UNCX: variants seen among roughly 807,000 people sequenced by gnomAD.
UNCX encodes the protein homeobox protein unc-4 homolog.
UNCX carries 4 observed loss-of-function variants against 14.8 expected under a neutral mutation model. The ratio of observed to expected loss-of-function variants is 0.27; its 90% confidence interval spans 0.13 to 0.62. The LOEUF (loss-of-function observed/expected upper bound fraction) is 0.62, where lower values mean the gene tolerates loss of function less well. Ranked by LOEUF, UNCX falls within the 20% of genes least tolerant of loss-of-function variation. UNCX has a pLI of 0.86. For synonymous variants in UNCX, 459 were observed against 395.8 expected (o/e 1.16, Z -1.90); for missense variants, 749 against 786.8 (o/e 0.95, Z 0.58).
Position 1,233,842 on chromosome 7 carries a change from G to T in UNCX, c.450+147G>T. On this transcript the variant is annotated intron_variant, in intron 2 of 2. Transcript: ENST00000316333. The surrounding 1 kb of genome is among the most constrained non-coding windows in gnomAD (Gnocchi z 5.3). ...CTGCTGGGGAAGAGTGGAGGGGTGG[G>T]GGTTCTGGGGCTCGGCCCCTCACGG... The T allele has an allele frequency of 9.6e-7, 1 of 1,041,772 alleles. No individual in the cohort carries two copies. Among genetic ancestry groups the T allele is most frequent in the Admixed American group, 3.1e-5 (1 of 32,640 alleles). The allele number at this position is 1,041,772 out of a possible 1,614,324, so 64.5% of individuals were successfully genotyped here.
rs1450631875 is a variant in UNCX, at chr7:1,233,560, G to A, written c.315G>A (p.Arg105=). The part of the protein sequence containing the change: ...DPDKESPGCK[R]RRTRTNFTGW... ...ACAAGGAGAGCCCGGGCTGCAAGCG[G>A]CGGCGCACCCGCACCAACTTCACCG... Residue 105 remains arginine (R), a synonymous_variant, in exon 2 of 3, where the codon CGG becomes CGA. Transcript: ENST00000316333. The surrounding 1 kb of genome is among the most constrained non-coding windows in gnomAD (Gnocchi z 5.3). 2 of 1,612,924 alleles carry A rather than the reference G, an allele frequency of 1.2e-6. No homozygotes were observed. Among genetic ancestry groups the A allele is most frequent in the Non-Finnish European group, 1.7e-6 (2 of 1,179,856 alleles).
Position 1,236,941 on chromosome 7 carries a change from C to A in UNCX, c.1560C>A (p.Pro520=). The A allele has an allele frequency of 8.3e-7, 1 of 1,198,272 alleles. No individual in the cohort carries two copies. The highest frequency in any genetic ancestry group is 1.0e-6 in the Non-Finnish European group (1 of 966,248). The allele number at this position is 1,198,272 out of a possible 1,614,324, so 74.2% of individuals were successfully genotyped here. Residue 520 remains proline, a synonymous_variant, in exon 3 of 3, where the codon CCC becomes CCA. Coordinates refer to ENST00000316333, the MANE Select transcript of UNCX (RefSeq NM_001080461.3). The surrounding 1 kb of genome is among the most constrained non-coding windows in gnomAD (Gnocchi z 6.9). ...CCGAGCCTGGCGCGGCGGCCGGACC[C>A]AGCCCGCCGGAGGGCGAGGAGCTGG... ...GVPEPGAAAG[P]SPPEGEELDM...
rs1480724225 is a variant in UNCX at position 1,236,735 on chromosome 7, GC to G, written c.1358del (p.Pro453GlnfsTer89). ...RSPDAVASPG[A>X]PAPAPAPFRD... Reference sequence around the variant, plus strand: ...CCCCGACGCCGTCGCCTCCCCGGGGGCCCCAGCCCCGGCCCCGGCGCCTTTC... The same window carrying G: ...CCCCGACGCCGTCGCCTCCCCGGGGGCCCAGCCCCGGCCCCGGCGCCTTTC... On this transcript the variant is annotated frameshift_variant, in exon 3 of 3. Coordinates refer to ENST00000316333, the MANE Select transcript of UNCX (RefSeq NM_001080461.3). LOFTEE classifies it low-confidence loss of function (END_TRUNC). This position sits in a 1 kb window ranked among gnomAD's most constrained non-coding sequence, Gnocchi z 6.9. 1.0e-6 allele frequency: 1 copy of G among 991,076 alleles called. No homozygotes were observed. Among genetic ancestry groups the G allele is most frequent in the Non-Finnish European group, 1.2e-6 (1 of 835,314 alleles). The allele number at this position is 991,076 out of a possible 1,614,324, so 61.4% of individuals were successfully genotyped here. A position where few individuals can be genotyped will look rare whatever the true frequency, so the allele number is the denominator to read the frequency against.
In UNCX at chr7:1,236,431, C is replaced by T; in HGVS notation, c.1050C>T (p.Asn350=). 7.8e-7 allele frequency: 1 copy of T among 1,285,246 alleles called. No individual in the cohort carries two copies. Among genetic ancestry groups the T allele is most frequent in the Non-Finnish European group, 9.9e-7 (1 of 1,011,762 alleles). The allele number at this position is 1,285,246 out of a possible 1,614,324, so 79.6% of individuals were successfully genotyped here. The part of the protein sequence containing the change: ...DSPPRRKAAS[N]AAAAAAAGLD... ...CGCCGCGCCGGAAAGCCGCTTCCAA[C>T]GCCGCCGCCGCCGCCGCCGCGGGGC... Residue 350 remains asparagine (N), a synonymous_variant, in exon 3 of 3, where the codon AAC becomes AAT. Transcript: ENST00000316333. This position sits in a 1 kb window ranked among gnomAD's most constrained non-coding sequence, Gnocchi z 6.9.
chr7:1,236,204 C>T lies in UNCX; in HGVS notation c.823C>T (p.Pro275Ser). 1 of 1,317,710 alleles carries T rather than the reference C, an allele frequency of 7.6e-7. No homozygotes were observed. Among genetic ancestry groups the T allele is most frequent in the Non-Finnish European group, 9.8e-7 (1 of 1,022,084 alleles). The allele number at this position is 1,317,710 out of a possible 1,614,324, so 81.6% of individuals were successfully genotyped here. Residue 275 changes from proline to serine, a missense_variant, in exon 3 of 3, where the codon CCG becomes TCG. Pro to Ser is a moderately conservative substitution (Grantham distance 74). This residue lies in a region of UNCX where 552 missense variants were observed against 507.2 expected (regional missense o/e 1.09). Transcript: ENST00000316333. This position sits in a 1 kb window ranked among gnomAD's most constrained non-coding sequence, Gnocchi z 6.9. ...GACCGCGCCCGCCCCTCCCGGCGAG[C>T]CGCCTGCACCCGGCACCTGCGACCC... ...AGTAPAPPGE[P>S]PAPGTCDPAF...
chr7:1,233,425 C>T lies in UNCX; in HGVS notation c.275-95C>T. On this transcript the variant is annotated intron_variant, in intron 1 of 2. Transcript: ENST00000316333. The surrounding 1 kb of genome is among the most constrained non-coding windows in gnomAD (Gnocchi z 5.3). ...GGCGGCCGTCTCTGCGCCCCCCCCC[C>T]CGGATCCAGGCGGCCAGCGGGTAGC... The T allele has an allele frequency of 1.4e-6, 2 of 1,383,196 alleles. No individual in the cohort carries two copies. The highest frequency in any genetic ancestry group is 3.3e-5 in the South Asian group (2 of 61,004). 85.7% of individuals were successfully genotyped at this position (1,383,196 alleles called of 1,614,324 possible).
In UNCX at chr7:1,235,136, G is replaced by A. The variant is rs563629278; in HGVS notation, c.451-696G>A. On this transcript the variant is annotated intron_variant, in intron 2 of 2. Coordinates refer to ENST00000316333, the MANE Select transcript of UNCX (RefSeq NM_001080461.3). ...GTGGTCGCCTCTTGCCTCCCCACCT[G>A]CCTTGGCCGGTGGCCCAGGCCAAGG... is the stretch of plus-strand genomic sequence containing the variant. Among the ~76,000 whole-genome samples, 9 of 152,358 alleles carry A rather than the reference G, an allele frequency of 5.9e-5. No individual in the cohort carries two copies. In the East Asian group the frequency reaches 1.7e-3, roughly 29 times the overall value.
Position 1,236,432 on chromosome 7 carries a change from G to T in UNCX, c.1051G>T (p.Ala351Ser). 1 of 1,282,900 alleles carries T rather than the reference G, an allele frequency of 7.8e-7. No individual in the cohort carries two copies. The highest frequency in any genetic ancestry group is 9.9e-7 in the Non-Finnish European group (1 of 1,009,784). The allele number at this position is 1,282,900 out of a possible 1,614,324, so 79.5% of individuals were successfully genotyped here. ...GCCGCGCCGGAAAGCCGCTTCCAAC[G>T]CCGCCGCCGCCGCCGCCGCGGGGCT... The part of the protein sequence containing the change: ...SPPRRKAASN[A>S]AAAAAAGLDF... The change falls in exon 3 of 3, where the codon GCC (alanine) becomes TCC (serine). Residue 351 changes from alanine (A) to serine (S), a missense_variant. Transcript: ENST00000316333. The surrounding 1 kb of genome is among the most constrained non-coding windows in gnomAD (Gnocchi z 6.9).
Position 1,236,740 on chromosome 7 carries a change from AGCCCCG to A in UNCX, c.1368_1373del (p.Ala458_Pro459del). 2.0e-6 allele frequency: 2 copies of A among 989,620 alleles called. No individual in the cohort carries two copies. Among genetic ancestry groups the A allele is most frequent in the Non-Finnish European group, 2.4e-6 (2 of 834,670 alleles). The allele number at this position is 989,620 out of a possible 1,614,324, so 61.3% of individuals were successfully genotyped here. The stretch of plus-strand genomic sequence containing the variant: ...ACGCCGTCGCCTCCCCGGGGGCCCC[AGCCCCG>A]GCCCCGGCGCCTTTCCGGGACCTCG... On this transcript the variant is annotated inframe_deletion, in exon 3 of 3. Coordinates refer to ENST00000316333, the MANE Select transcript of UNCX (RefSeq NM_001080461.3). This position sits in a 1 kb window ranked among gnomAD's most constrained non-coding sequence, Gnocchi z 6.9.
rs1330534185 is a variant in UNCX at position 1,236,607 on chromosome 7, C to CGCCGCCCGCGCCCGCCGT, written c.1239_1256dup (p.Ala414_Pro419dup). The CGCCGCCCGCGCCCGCCGT allele has an allele frequency of 1.4e-5, 16 of 1,106,208 alleles. No individual in the cohort carries two copies. The highest frequency in any genetic ancestry group is 1.8e-5 in the Non-Finnish European group (16 of 913,924). The allele number at this position is 1,106,208 out of a possible 1,614,324, so 68.5% of individuals were successfully genotyped here. A position where few individuals can be genotyped will look rare whatever the true frequency, so the allele number is the denominator to read the frequency against. ...GGCCTGGAGCCGGCGCCCAAGGACG[C>CGCCGCCCGCGCCCGCCGT]GCCGCCCGCGCCCGCCGTGCCGCCC... On this transcript the variant is annotated inframe_insertion, in exon 3 of 3. Coordinates refer to ENST00000316333, the MANE Select transcript of UNCX (RefSeq NM_001080461.3). The surrounding 1 kb of genome is among the most constrained non-coding windows in gnomAD (Gnocchi z 6.9).
intron 2 of UNCX, among the ~76,000 whole-genome samples, chr7:1,235,326 C>T (rs898548602): frequency 6.6e-6 from 1 of 152,262 alleles, no homozygotes; most frequent in Non-Finnish European, 1.5e-5. Context: ...GGGATTCCGC[C>T]CCCACCCCCG....
Position 1,237,085 on chromosome 7 carries a change from T to A in UNCX, c.*108T>A. ...GCTCTAGAAACACTGCTTTCCCTTC[T>A]TTTCTTTTGTTTTCTTTCTTTTATT... is the stretch of plus-strand genomic sequence containing the variant. On this transcript the variant is annotated 3_prime_UTR_variant, in exon 3 of 3. Coordinates refer to ENST00000316333, the MANE Select transcript of UNCX (RefSeq NM_001080461.3). This position sits in a 1 kb window ranked among gnomAD's most constrained non-coding sequence, Gnocchi z 5.8. 1 of 882,962 alleles carries A rather than the reference T, an allele frequency of 1.1e-6. No individual in the cohort carries two copies. The highest frequency in any genetic ancestry group is 5.3e-4 in the Middle Eastern group (1 of 1,882). 54.7% of individuals were successfully genotyped at this position (882,962 alleles called of 1,614,324 possible). A position where few individuals can be genotyped will look rare whatever the true frequency, so the allele number is the denominator to read the frequency against.
Position 1,233,233 on chromosome 7 carries a change from G to A in UNCX, c.216G>A (p.Thr72=), listed in dbSNP as rs1562374575. The change falls in exon 1 of 3, where the codon ACG becomes ACA. Residue 72 remains threonine, a synonymous_variant. Transcript: ENST00000316333. This position sits in a 1 kb window ranked among gnomAD's most constrained non-coding sequence, Gnocchi z 5.3. The part of the protein sequence containing the change: ...CAAAASVVNP[T]PLLPAACGVG... ...CCGCCGCCTCGGTGGTCAACCCCAC[G>A]CCGCTGCTGCCAGCCGCCTGCGGGG... 1.4e-6 allele frequency: 2 copies of A among 1,393,372 alleles called. No individual in the cohort carries two copies. Among genetic ancestry groups the A allele is most frequent in the African/African-American group, 1.5e-5 (1 of 65,938 alleles). 86.3% of individuals were successfully genotyped at this position (1,393,372 alleles called of 1,614,324 possible).
In UNCX at chr7:1,233,252, T is replaced by TGCGGGGTCG. The variant is rs1778677876; in HGVS notation, c.242_250dup (p.Val81_Gly83dup). The TGCGGGGTCG allele has an allele frequency of 7.4e-7, 1 of 1,355,398 alleles. No homozygotes were observed. Among genetic ancestry groups the TGCGGGGTCG allele is most frequent in the African/African-American group, 1.5e-5 (1 of 64,950 alleles). 84.0% of individuals were successfully genotyped at this position (1,355,398 alleles called of 1,614,324 possible). Reference sequence around the variant, plus strand: ...CCCCACGCCGCTGCTGCCAGCCGCCTGCGGGGTCGGCGGGGACGGCCAGCC... The same window carrying TGCGGGGTCG: ...CCCCACGCCGCTGCTGCCAGCCGCCTGCGGGGTCGGCGGGGTCGGCGGGGACGGCCAGCC... On this transcript the variant is annotated inframe_insertion, in exon 1 of 3. Transcript: ENST00000316333. This position sits in a 1 kb window ranked among gnomAD's most constrained non-coding sequence, Gnocchi z 5.3.
At position 1,233,428 on chromosome 7, in the gene UNCX, G is replaced by A; in HGVS notation, c.275-92G>A. 8.8e-7 allele frequency: 1 copy of A among 1,132,540 alleles called. No individual in the cohort carries two copies. The highest frequency in any genetic ancestry group is 1.1e-6 in the Non-Finnish European group (1 of 883,718). 70.2% of individuals were successfully genotyped at this position (1,132,540 alleles called of 1,614,324 possible). A position where few individuals can be genotyped will look rare whatever the true frequency, so the allele number is the denominator to read the frequency against. ...GGCCGTCTCTGCGCCCCCCCCCCCG[G>A]ATCCAGGCGGCCAGCGGGTAGCGGG... is the stretch of plus-strand genomic sequence containing the variant. On this transcript the variant is annotated intron_variant, in intron 1 of 2. Transcript: ENST00000316333. This position sits in a 1 kb window ranked among gnomAD's most constrained non-coding sequence, Gnocchi z 5.3.
At chr7:1,235,138 C>G (rs956815822) in intron 2 of UNCX, among the ~76,000 whole-genome samples, 2 of 152,242 alleles carry the variant, frequency 1.3e-5, no homozygotes, top group African/African-American at 4.8e-5. Context: ...CCCCACCTGC[C>G]TTGGCCGGTG....
Position 1,236,321 on chromosome 7 carries a change from G to A in UNCX, c.940G>A (p.Ala314Thr), listed in dbSNP as rs1778739789. 1.5e-6 allele frequency: 2 copies of A among 1,302,342 alleles called. No individual in the cohort carries two copies. The highest frequency in any genetic ancestry group is 1.9e-6 in the Non-Finnish European group (2 of 1,025,850). The allele number at this position is 1,302,342 out of a possible 1,614,324, so 80.7% of individuals were successfully genotyped here. A position where few individuals can be genotyped will look rare whatever the true frequency, so the allele number is the denominator to read the frequency against. Residue 314 changes from alanine to threonine, a missense_variant, in exon 3 of 3, where the codon GCC becomes ACC. Ala to Thr is a moderately conservative substitution (Grantham distance 58). Coordinates refer to ENST00000316333, the MANE Select transcript of UNCX (RefSeq NM_001080461.3). The surrounding 1 kb of genome is among the most constrained non-coding windows in gnomAD (Gnocchi z 6.9). ...DKDAASCGPG[A>T]AVAAVERGAA... ...GGACGCGGCCTCGTGCGGGCCAGGGGCCGCTGTGGCGGCGGTGGAGCGCGG... is the reference window on the plus strand; with the variant it reads ...GGACGCGGCCTCGTGCGGGCCAGGGACCGCTGTGGCGGCGGTGGAGCGCGG...
Position 1,233,414 on chromosome 7 carries a change from CG to C in UNCX, c.275-105del, listed in dbSNP as rs1325030065. 1,436 of 1,174,324 alleles carry C rather than the reference CG, an allele frequency of 1.2e-3. 2 individuals carry two copies. Among genetic ancestry groups the C allele is most frequent in the Non-Finnish European group, 1.5e-3 (1,346 of 926,722 alleles). 72.7% of individuals were successfully genotyped at this position (1,174,324 alleles called of 1,614,324 possible). A position where few individuals can be genotyped will look rare whatever the true frequency, so the allele number is the denominator to read the frequency against. ...GCCGGCTCCTAGGCGGCCGTCTCTG[CG>C]CCCCCCCCCCCGGATCCAGGCGGCC... On this transcript the variant is annotated intron_variant, in intron 1 of 2. Transcript: ENST00000316333. The surrounding 1 kb of genome is among the most constrained non-coding windows in gnomAD (Gnocchi z 5.3).
In UNCX at chr7:1,235,030, A is replaced by C. The variant is rs549823013; in HGVS notation, c.451-802A>C. The stretch of plus-strand genomic sequence containing the variant: ...GAGGGTGTAGCGCTGCCGTCCCCGG[A>C]TGTCCTGTGTGGCTCCCCAGGACAA... On this transcript the variant is annotated intron_variant, in intron 2 of 2. Transcript: ENST00000316333. Among the ~76,000 whole-genome samples the C allele has an allele frequency of 2.0e-4, 30 of 152,240 alleles. No individual in the cohort carries two copies. In the South Asian group the frequency reaches 6.0e-3, roughly 31 times the overall value.
Sources: gnomAD v4.1 joint callset for allele counts (sites outside exome capture counted in the v4.1 genomes callset) on GRCh38, gnomAD v4.1.1 for gene constraint, gnomAD v4.1.1 regional missense constraint, Gnocchi (gnomAD v3.1) non-coding constraint, MANE v1.5 for transcripts, NCBI Gene and HGNC (gene_info 2026-07-23, HGNC 2026-07-21) for gene names.